FEM1B: variants seen among roughly 807,000 people sequenced by gnomAD.
FEM1B encodes the protein fem-1 homolog B, also known as protein fem-1 homolog B.
In FEM1B, 10 loss-of-function variants were observed where a neutral mutation model predicts 38.6. The observed-to-expected ratio is 0.26, with a 90% CI of 0.16 to 0.44. The LOEUF (loss-of-function observed/expected upper bound fraction) is 0.44, where lower values mean the gene tolerates loss of function less well. Among genes scored for constraint, FEM1B ranks in the 20% least tolerant of loss-of-function variants. The pLI is 1.00. For missense variants in FEM1B, 471 were observed against 786.7 expected (o/e 0.60, Z 4.80); for synonymous variants, 288 against 288.0 (o/e 1.00, Z 0.00).
intron 1 of FEM1B, among the ~76,000 whole-genome samples, chr15:68,283,679 AAAC>A (rs1168832668): frequency 6.6e-6 from 1 of 152,114 alleles, no homozygotes; most frequent in Non-Finnish European, 1.5e-5. Context: ...TTTCAAAACA[AAAC>A]AAAACAAATC....
In FEM1B at chr15:68,289,906, A is replaced by G. The variant is rs140441270; in HGVS notation, c.548A>G (p.Lys183Arg). The change falls in exon 2 of 2, where the codon AAA (lysine) becomes AGA (arginine). Residue 183 changes from lysine to arginine, a missense_variant. Transcript: ENST00000306917. This position sits in a 1 kb window ranked among gnomAD's most constrained non-coding sequence, Gnocchi z 6.9. Reference sequence around the variant, plus strand: ...GAACAACGTGCTGATCCCAATGCCAAAGCACATTGTGGAGCCACAGCATTG... The same window carrying G: ...GAACAACGTGCTGATCCCAATGCCAGAGCACATTGTGGAGCCACAGCATTG... ...LLEQRADPNA[K>R]AHCGATALHF... is the part of the protein sequence containing the mutation. 1.9e-6 allele frequency: 3 copies of G among 1,614,044 alleles called. No homozygotes were observed. The highest frequency in any genetic ancestry group is 1.3e-5 in the African/African-American group (1 of 75,074).
In FEM1B at chr15:68,295,739, A is replaced by G. The variant is rs1447762896; in HGVS notation, c.*4497A>G. 1 of 152,226 alleles carries G rather than the reference A, an allele frequency of 6.6e-6. No homozygotes were observed. Among genetic ancestry groups the G allele is most frequent in the East Asian group, 1.9e-4 (1 of 5,206 alleles). 9.4% of individuals were successfully genotyped at this position (152,226 alleles called of 1,614,324 possible). A position where few individuals can be genotyped will look rare whatever the true frequency, so the allele number is the denominator to read the frequency against. On this transcript the variant is annotated 3_prime_UTR_variant, in exon 2 of 2. Coordinates refer to ENST00000306917, the MANE Select transcript of FEM1B (RefSeq NM_015322.5). ...ATGACATTTTCTATTTGAGTTTGAC[A>G]TGTAGAGTCATTTTTAGTTTCATGG... is the stretch of plus-strand genomic sequence containing the variant.
At position 68,284,037 on chromosome 15, in the gene FEM1B, C is replaced by T. The variant is rs1394527028; in HGVS notation, c.248+5372C>T. 2.0e-5 allele frequency among the ~76,000 whole-genome samples: 3 copies of T among 152,034 alleles called. No homozygotes were observed. The highest frequency in any genetic ancestry group is 2.1e-4 in the South Asian group (1 of 4,824). Reference sequence around the variant, plus strand: ...AGTAGCTGGGATTACAGACATGCGCCACCACACCTGGCTAATTTTGTATTT... The same window carrying T: ...AGTAGCTGGGATTACAGACATGCGCTACCACACCTGGCTAATTTTGTATTT... On this transcript the variant is annotated intron_variant, in intron 1 of 1. Coordinates refer to ENST00000306917, the MANE Select transcript of FEM1B (RefSeq NM_015322.5). The surrounding 1 kb of genome is among the most constrained non-coding windows in gnomAD (Gnocchi z 4.4).
chr15:68,283,502 T>TA (rs60432847), intron 1 of FEM1B, among the ~76,000 whole-genome samples: 925 of 71,894 alleles, frequency 0.013, 37 homozygotes, highest in African/African-American at 0.026. Context: ...CATCTCTACC[T>TA]AAAAAAAAAA....
In FEM1B at chr15:68,295,087, G is replaced by A. The variant is rs898422154; in HGVS notation, c.*3845G>A. ...GATCTGAAATAAATACTACACTATT[G>A]ATAGTGGAGATATATTAATTTTTAA... On this transcript the variant is annotated 3_prime_UTR_variant, in exon 2 of 2. Transcript: ENST00000306917. The A allele has an allele frequency of 6.6e-6, 1 of 152,168 alleles. No individual in the cohort carries two copies. Among genetic ancestry groups the A allele is most frequent in the Non-Finnish European group, 1.5e-5 (1 of 68,036 alleles). The allele number at this position is 152,168 out of a possible 1,614,324, so 9.4% of individuals were successfully genotyped here. A position where few individuals can be genotyped will look rare whatever the true frequency, so the allele number is the denominator to read the frequency against.
chr15:68,279,210 A>C (rs1379539671), intron 1 of FEM1B, among the ~76,000 whole-genome samples: 1 of 152,198 alleles, frequency 6.6e-6, no homozygotes, highest in Non-Finnish European at 1.5e-5. Context: ...ACGCAGCCAG[A>C]CATCTCAAGA....
rs541060550 is a variant in FEM1B at position 68,284,821 on chromosome 15, T to A, written c.249-4786T>A. On this transcript the variant is annotated intron_variant, in intron 1 of 1. Transcript: ENST00000306917. This position sits in a 1 kb window ranked among gnomAD's most constrained non-coding sequence, Gnocchi z 4.4. ...GAATCATGGAAGCAGGTCTTTCCCG[T>A]GCTGTTCTCTTGATAGTAAGTGTCA... Among the ~76,000 whole-genome samples, 4 of 152,336 alleles carry A rather than the reference T, an allele frequency of 2.6e-5. No homozygotes were observed. Among genetic ancestry groups the A allele is most frequent in the Admixed American group, 2.6e-4 (4 of 15,304 alleles).
chr15:68,278,694 C>A lies in FEM1B; in HGVS notation c.248+29C>A, dbSNP rs374653124. On this transcript the variant is annotated intron_variant, in intron 1 of 1. Transcript: ENST00000306917. The surrounding 1 kb of genome is among the most constrained non-coding windows in gnomAD (Gnocchi z 5.7). ...GGTACATCCCAAGCCAGCCTCTCTC[C>A]GACGCGCGCGGACTCGTTAATTCAC... The A allele has an allele frequency of 1.9e-6, 3 of 1,610,342 alleles. No homozygotes were observed. The African/African-American group carries it at 4.0e-5, about 22-fold the overall frequency.
chr15:68,283,650 A>G (rs1360604715), intron 1 of FEM1B, among the ~76,000 whole-genome samples: 1 of 152,048 alleles, frequency 6.6e-6, no homozygotes, highest in African/African-American at 2.4e-5. Context: ...CTTAGCCGGT[A>G]CAACAGAGCA....
At chr15:68,287,217 C>A (rs1316532798) in intron 1 of FEM1B, among the ~76,000 whole-genome samples, 2 of 152,068 alleles carry the variant, frequency 1.3e-5, no homozygotes, top group Non-Finnish European at 2.9e-5. Context: ...TAAAAAAAAT[C>A]AATTAACAAA....
At position 68,278,922 on chromosome 15, in the gene FEM1B, C is replaced by G. The variant is rs1892697684; in HGVS notation, c.248+257C>G. 6.6e-6 allele frequency among the ~76,000 whole-genome samples: 1 copy of G among 152,166 alleles called. No individual in the cohort carries two copies. ...ATAACCACACCCTCGGCCTTGAAAT[C>G]TAATAGTCGTCTTCTCTACTAGATA... On this transcript the variant is annotated intron_variant, in intron 1 of 1. Transcript: ENST00000306917. This position sits in a 1 kb window ranked among gnomAD's most constrained non-coding sequence, Gnocchi z 5.7.
chr15:68,290,299 T>G lies in FEM1B; in HGVS notation c.941T>G (p.Leu314Arg). The change falls in exon 2 of 2, where the codon CTG becomes CGG. Residue 314 changes from leucine (L) to arginine (R), a missense_variant. Physicochemically the swap from Leu to Arg is moderately radical, Grantham distance 102. Coordinates refer to ENST00000306917, the MANE Select transcript of FEM1B (RefSeq NM_015322.5). The surrounding 1 kb of genome is among the most constrained non-coding windows in gnomAD (Gnocchi z 9.7). ...ACTGAATGTAGAAATCCTCAGGAACTGGAGTCCATTCGGCAAGACAGAGAT... is the reference window on the plus strand; with the variant it reads ...ACTGAATGTAGAAATCCTCAGGAACGGGAGTCCATTCGGCAAGACAGAGAT... ...NRTECRNPQE[L>R]ESIRQDRDAL... 6 of 1,614,094 alleles carry G rather than the reference T, an allele frequency of 3.7e-6. No homozygotes were observed. The highest frequency in any genetic ancestry group is 5.1e-6 in the Non-Finnish European group (6 of 1,179,980).
intron 1 of FEM1B, among the ~76,000 whole-genome samples, chr15:68,282,373 A>G (rs1173622776): frequency 1.3e-5 from 2 of 152,236 alleles, no homozygotes; most frequent in Admixed American, 6.5e-5. Context: ...TTGGCAATAT[A>G]TATTTCAAGG....
intron 1 of FEM1B, among the ~76,000 whole-genome samples, chr15:68,286,698 A>G (rs549232714): frequency 6.6e-6 from 1 of 152,206 alleles, no homozygotes; most frequent in African/African-American, 2.4e-5. Context: ...CATTAGATTT[A>G]TTACTATTTA....
rs530727510 is a variant in FEM1B, at chr15:68,289,956, A to T, written c.598A>T (p.Ile200Leu). The change falls in exon 2 of 2, where the codon ATA becomes TTA. Residue 200 changes from isoleucine to leucine, a missense_variant. Coordinates refer to ENST00000306917, the MANE Select transcript of FEM1B (RefSeq NM_015322.5). This position sits in a 1 kb window ranked among gnomAD's most constrained non-coding sequence, Gnocchi z 6.9. ...ALHFAAEAGH[I>L]DIVKELIKWR... ...GCACTTTGCAGCTGAAGCTGGGCAC[A>T]TAGATATTGTGAAAGAGCTGATAAA... The T allele has an allele frequency of 3.7e-6, 6 of 1,614,216 alleles. No homozygotes were observed. In the African/African-American group the frequency reaches 5.3e-5, roughly 14 times the overall value.
chr15:68,282,722 C>T (rs1372170945), intron 1 of FEM1B, among the ~76,000 whole-genome samples: 1 of 152,140 alleles, frequency 6.6e-6, no homozygotes, highest in Non-Finnish European at 1.5e-5. Flanking sequence ...CCTTTAGGAA[C>T]TTAGTAAATA....
rs1892869301 is a variant in FEM1B, at chr15:68,293,518, CTG to C, written c.*2278_*2279del. ...GAAGACAATGCTGAAGAAAGTAAAA[CTG>C]TTGATTGAAATGCTGACAGGGTGGA... On this transcript the variant is annotated 3_prime_UTR_variant, in exon 2 of 2. Coordinates refer to ENST00000306917, the MANE Select transcript of FEM1B (RefSeq NM_015322.5). This position sits in a 1 kb window ranked among gnomAD's most constrained non-coding sequence, Gnocchi z 5.8. The C allele has an allele frequency of 6.6e-6, 1 of 152,086 alleles. No homozygotes were observed. The highest frequency in any genetic ancestry group is 2.1e-4 in the South Asian group (1 of 4,832). The allele number at this position is 152,086 out of a possible 1,614,324, so 9.4% of individuals were successfully genotyped here.
At position 68,292,380 on chromosome 15, in the gene FEM1B, T is replaced by C. The variant is rs1484351043; in HGVS notation, c.*1138T>C. ...TTTTTCAACCACAAAATGTCACTTATTCCTACAGGCTATACAGAGGTCTTT... is the reference window on the plus strand; with the variant it reads ...TTTTTCAACCACAAAATGTCACTTACTCCTACAGGCTATACAGAGGTCTTT... On this transcript the variant is annotated 3_prime_UTR_variant, in exon 2 of 2. Transcript: ENST00000306917. The C allele has an allele frequency of 2.0e-5, 3 of 152,198 alleles. No individual in the cohort carries two copies. The highest frequency in any genetic ancestry group is 7.2e-5 in the African/African-American group (3 of 41,470). 9.4% of individuals were successfully genotyped at this position (152,198 alleles called of 1,614,324 possible).
intron 1 of FEM1B, among the ~76,000 whole-genome samples, chr15:68,286,763 T>C (rs1365955766): frequency 6.6e-6 from 1 of 151,316 alleles, no homozygotes; most frequent in Non-Finnish European, 1.5e-5. Flanking sequence ...AATAAATGTT[T>C]ATTGAACTTT....
Sources: gnomAD v4.1 joint callset for allele counts (sites outside exome capture counted in the v4.1 genomes callset) on GRCh38, gnomAD v4.1.1 for gene constraint, Gnocchi (gnomAD v3.1) non-coding constraint, MANE v1.5 for transcripts, NCBI Gene and HGNC (gene_info 2026-07-23, HGNC 2026-07-21) for gene names.